Variants in ASXL2 observed in about 807,000 individuals in gnomAD.
ASXL2 encodes putative Polycomb group protein ASXL2.
In ASXL2, 23 loss-of-function variants were observed where a neutral mutation model predicts 122.0. That is an observed-to-expected ratio of 0.19 (90% CI 0.14 to 0.27). The LOEUF (loss-of-function observed/expected upper bound fraction) is 0.27, where lower values mean the gene tolerates loss of function less well. ASXL2 is among the 10% of genes least tolerant of loss of function. The pLI is 1.00. For missense variants in ASXL2, 1,518 were observed against 1,713.8 expected (o/e 0.89, Z 2.02); for synonymous variants, 650 against 637.0 (o/e 1.02, Z -0.31).
Position 25,870,188 on chromosome 2 carries a change from G to A in ASXL2, c.57+7978C>T, listed in dbSNP as rs149122498. 3.0e-4 allele frequency among the ~76,000 whole-genome samples: 46 copies of A among 152,252 alleles called. No homozygotes were observed. In the East Asian group the frequency reaches 6.0e-3, roughly 20 times the overall value. On this transcript the variant is annotated intron_variant, in intron 1 of 12. Transcript: ENST00000435504. ...GAAGATGTAATACAGCCTGGGTGGG[G>A]AACATAGTCAGCCCCCATCTGTACA...
At chr2:25,780,674 T>G (rs1244612193) in intron 5 of ASXL2, among the ~76,000 whole-genome samples, 1 of 152,222 alleles carries the variant, frequency 6.6e-6, no homozygotes, top group Non-Finnish European at 1.5e-5. Flanking sequence ...TTTGTATTTT[T>G]GACAGCTTAT....
chr2:25,800,758 T>C (rs547722938), intron 4 of ASXL2, among the ~76,000 whole-genome samples: 2 of 152,378 alleles, frequency 1.3e-5, no homozygotes, highest in African/African-American at 4.8e-5. Context: ...GGGATAATAG[T>C]ACCTACCTTA....
chr2:25,872,330 T>C (rs2089968052), intron 1 of ASXL2, among the ~76,000 whole-genome samples: 1 of 151,634 alleles, frequency 6.6e-6, no homozygotes, highest in South Asian at 2.1e-4. Flanking sequence ...TGCAGTGAGC[T>C]AAGATCGCAC....
chr2:25,749,984 C>T lies in ASXL2; in HGVS notation c.1572G>A (p.Ser524=), dbSNP rs746498467. 29 of 1,613,760 alleles carry T rather than the reference C, an allele frequency of 1.8e-5. No individual in the cohort carries two copies. The highest frequency in any genetic ancestry group is 6.6e-5 in the South Asian group (6 of 91,080). The change falls in exon 12 of 13, where the codon TCG becomes TCA. Residue 524 remains serine, a synonymous_variant. Transcript: ENST00000435504. ...KSESQESLVT[S]PSKPKSPGVE... is the part of the protein sequence containing the mutation. ...CCCCAGGACTCTTGGGTTTGCTTGG[C>T]GATGTAACTAAAGATTCTTGGCTTT...
chr2:25,814,205 C>G (rs1341972304), intron 3 of ASXL2, among the ~76,000 whole-genome samples: 1 of 152,002 alleles, frequency 6.6e-6, no homozygotes, highest in Non-Finnish European at 1.5e-5. Context: ...TAGGCATGAT[C>G]TCAGGAAAAT....
Position 25,806,234 on chromosome 2 carries a change from A to G in ASXL2, c.247T>C (p.Leu83=). The G allele has an allele frequency of 6.2e-7, 1 of 1,601,884 alleles. No homozygotes were observed. Among genetic ancestry groups the G allele is most frequent in the East Asian group, 2.2e-5 (1 of 44,784 alleles). ...CTCCCCAACAAAATATTTACCTTCAAAGTATATACTCCCATTCTACCTGGA... is the reference window on the plus strand; with the variant it reads ...CTCCCCAACAAAATATTTACCTTCAGAGTATATACTCCCATTCTACCTGGA... ...KVPGRMGVYT[L]KKDVPDGVKE... Residue 83 remains leucine, a synonymous_variant, in exon 4 of 13, where the codon TTG becomes CTG. Coordinates refer to ENST00000435504, the MANE Select transcript of ASXL2 (RefSeq NM_018263.6).
chr2:25,758,137 G>A (rs2088173234), intron 9 of ASXL2, among the ~76,000 whole-genome samples: 1 of 152,108 alleles, frequency 6.6e-6, no homozygotes, highest in South Asian at 2.1e-4. Context: ...GGGCTCTCTG[G>A]ACAATGGACT....
intron 3 of ASXL2, among the ~76,000 whole-genome samples, chr2:25,830,493 G>T (rs906680405): frequency 6.6e-6 from 1 of 152,088 alleles, no homozygotes; most frequent in African/African-American, 2.4e-5. Context: ...GGGCATGGTG[G>T]CGCATGCCTG....
chr2:25,841,281 G>GT (rs2089575232), intron 2 of ASXL2, among the ~76,000 whole-genome samples: 1 of 152,138 alleles, frequency 6.6e-6, no homozygotes, highest in Non-Finnish European at 1.5e-5. Context: ...GGGTTACAGA[G>GT]TGAGACCCTG....
chr2:25,874,045 G>A (rs760067485), intron 1 of ASXL2, among the ~76,000 whole-genome samples: 24 of 152,176 alleles, frequency 1.6e-4, no homozygotes, highest in Non-Finnish European at 3.1e-4. Flanking sequence ...TTTGAACATA[G>A]TTCTAAAGTC....
intron 2 of ASXL2, 185 bp downstream of exon 2, chr2:25,845,296 G>A (rs775237893): frequency 3.9e-6 from 4 of 1,031,020 alleles, no homozygotes; most frequent in Middle Eastern, 2.2e-4. Context: ...AAAACCTTCT[G>A]GTTTAAAACT....
At chr2:25,771,647 A>G (rs2088458252) in intron 5 of ASXL2, 107 bp from the exon 6 acceptor site, 2 of 838,720 alleles carry the variant, frequency 2.4e-6, no homozygotes, top group East Asian at 2.9e-5. Context: ...ATGACCAAAC[A>G]CTTTTGGGAA....
intron 1 of ASXL2, among the ~76,000 whole-genome samples, chr2:25,871,661 G>A (rs1290866501): frequency 6.6e-6 from 1 of 152,096 alleles, no homozygotes; most frequent in Admixed American, 6.5e-5. Context: ...GCACGATCTC[G>A]GCTCACCGCA....
At chr2:25,810,380 C>A in intron 3 of ASXL2, 2 of 624,160 alleles carry the variant, frequency 3.2e-6, no homozygotes, top group Admixed American at 2.2e-5. Context: ...TTTTTAACAA[C>A]CTTCATATCT....
intron 5 of ASXL2, chr2:25,780,428 T>C (rs1444653782): frequency 6.6e-6 from 1 of 152,222 alleles, no homozygotes; most frequent in Non-Finnish European, 1.5e-5. Context: ...TTTTTTTGGG[T>C]TGTTTCTGGT....
intron 11 of ASXL2, among the ~76,000 whole-genome samples, chr2:25,751,780 A>C (rs2088049590): frequency 6.6e-6 from 1 of 152,156 alleles, no homozygotes. Context: ...AAATCAGTTT[A>C]TAGAACTCTT....
intron 8 of ASXL2, among the ~76,000 whole-genome samples, chr2:25,762,918 A>G (rs1212871123): frequency 2.0e-5 from 3 of 152,146 alleles, no homozygotes; most frequent in East Asian, 1.9e-4. Context: ...GCAAAAACTA[A>G]CCATAGGGGA....
At chr2:25,817,196 T>G (rs948615360) in intron 3 of ASXL2, among the ~76,000 whole-genome samples, 7 of 152,150 alleles carry the variant, frequency 4.6e-5, no homozygotes, top group African/African-American at 1.7e-4. Context: ...TAGCTGATGA[T>G]GAAATCCAGC....
intron 8 of ASXL2, among the ~76,000 whole-genome samples, chr2:25,765,255 G>T (rs2088324095): frequency 6.6e-6 from 1 of 152,090 alleles, no homozygotes; most frequent in African/African-American, 2.4e-5. Context: ...GGAGGCCAAG[G>T]CGGGCAGATC....
Sources: gnomAD v4.1 joint callset for allele counts (sites outside exome capture counted in the v4.1 genomes callset) on GRCh38, gnomAD v4.1.1 for gene constraint, MANE v1.5 for transcripts, NCBI Gene and HGNC (gene_info 2026-07-23, HGNC 2026-07-21) for gene names.